Variants in SEMA6D observed in about 807,000 individuals in gnomAD.
The protein encoded by SEMA6D is semaphorin-6D.
A neutral mutation model predicts 106.6 loss-of-function variants in SEMA6D; 35 were observed. That is an observed-to-expected ratio of 0.33 (90% CI 0.25 to 0.44). The LOEUF (loss-of-function observed/expected upper bound fraction) is 0.44, where lower values mean the gene tolerates loss of function less well. Ranked by LOEUF, SEMA6D falls within the 20% of genes least tolerant of loss-of-function variation. SEMA6D has a pLI of 1.00. For synonymous variants in SEMA6D, 499 were observed against 487.7 expected (o/e 1.02, Z -0.31); for missense variants, 1,185 against 1,345.9 (o/e 0.88, Z 1.87).
chr15:47,321,816 G>A (rs1595728345), intron 1 of SEMA6D, among the ~76,000 whole-genome samples: 2 of 151,952 alleles, frequency 1.3e-5, no homozygotes, highest in Admixed American at 6.6e-5. Context: ...CTGTTCTATT[G>A]GGCTATTTTT....
At chr15:47,669,142 G>A (rs925192742) in intron 4 of SEMA6D, among the ~76,000 whole-genome samples, 1 of 151,874 alleles carries the variant, frequency 6.6e-6, no homozygotes, top group Non-Finnish European at 1.5e-5. Flanking sequence ...ATCCCTATAT[G>A]AGCAAGTAGC....
intron 4 of SEMA6D, among the ~76,000 whole-genome samples, chr15:47,688,625 G>T (rs552228438): frequency 6.6e-6 from 1 of 152,044 alleles, no homozygotes; most frequent in Non-Finnish European, 1.5e-5. Context: ...ACTCTGATTC[G>T]CATTGACTAG....
intron 3 of SEMA6D, among the ~76,000 whole-genome samples, chr15:47,572,076 A>G (rs146159340): frequency 6.6e-6 from 1 of 152,344 alleles, no homozygotes; most frequent in Non-Finnish European, 1.5e-5. Flanking sequence ...TGAAAATTTC[A>G]GCCTAGGAAA....
rs368314047 is a variant in SEMA6D at position 47,285,637 on chromosome 15, G to A, written c.-239+101219G>A. Among the ~76,000 whole-genome samples the A allele has an allele frequency of 5.8e-4, 88 of 152,256 alleles. 1 individual carries two copies. The highest frequency in any genetic ancestry group is 2.1e-3 in the African/African-American group (87 of 41,558). ...CAGATGAAAAGTGGATGAACTGAAC[G>A]AAGACATTCCTGAAGGGTAGACAAC... On this transcript the variant is annotated intron_variant, in intron 1 of 19. Coordinates refer to the SEMA6D transcript ENST00000558014.
At chr15:47,591,432 G>T (rs1253240023) in intron 3 of SEMA6D, among the ~76,000 whole-genome samples, 1 of 152,182 alleles carries the variant, frequency 6.6e-6, no homozygotes, top group Non-Finnish European at 1.5e-5. Flanking sequence ...CATCTAGGAT[G>T]ATAAGAACTG....
At chr15:47,616,649 G>T (rs943411761) in intron 4 of SEMA6D, among the ~76,000 whole-genome samples, 5 of 151,506 alleles carry the variant, frequency 3.3e-5, no homozygotes, top group African/African-American at 1.2e-4. Flanking sequence ...GTGGGTAAAT[G>T]ATGCATCTGT....
chr15:47,477,977 CA>C (rs764486456), intron 3 of SEMA6D, among the ~76,000 whole-genome samples: 10 of 152,114 alleles, frequency 6.6e-5, no homozygotes, highest in Non-Finnish European at 1.5e-4. Flanking sequence ...AGTGTTCCAT[CA>C]ATAAACTCTT....
intron 3 of SEMA6D, among the ~76,000 whole-genome samples, chr15:47,575,406 T>C (rs1001366334): frequency 6.6e-6 from 1 of 151,982 alleles, no homozygotes; most frequent in Non-Finnish European, 1.5e-5. Flanking sequence ...GGTGGGAAGG[T>C]GCAGGAAGGA....
chr15:47,512,067 A>T (rs1364880375), intron 3 of SEMA6D, among the ~76,000 whole-genome samples: 1 of 152,150 alleles, frequency 6.6e-6, no homozygotes, highest in Non-Finnish European at 1.5e-5. Context: ...AGTTTATTGA[A>T]CTTTTAGTCA....
At chr15:47,230,129 G>T (rs1378149935) in intron 1 of SEMA6D, among the ~76,000 whole-genome samples, 2 of 152,030 alleles carry the variant, frequency 1.3e-5, no homozygotes, top group African/African-American at 4.8e-5. Flanking sequence ...TTGTGGCAAA[G>T]AATATTTGAG....
intron 1 of SEMA6D, among the ~76,000 whole-genome samples, chr15:47,321,844 A>T (rs572468958): frequency 6.6e-5 from 10 of 152,296 alleles, no homozygotes; most frequent in African/African-American, 2.4e-4. Flanking sequence ...TTAATAAAAC[A>T]ATCTTTCTCC....
At chr15:47,323,344 G>T (rs77058128) in intron 1 of SEMA6D, among the ~76,000 whole-genome samples, 1,683 of 152,262 alleles carry the variant, frequency 0.011, 13 homozygotes, top group Non-Finnish European at 0.014. Flanking sequence ...GAACACCGGA[G>T]AATGAGTAAG....
chr15:47,304,618 T>C lies in SEMA6D; in HGVS notation c.-238-107775T>C, dbSNP rs553946333. On this transcript the variant is annotated intron_variant, in intron 1 of 19. Transcript: ENST00000558014. ...GAATGTCCCAAGATGATCCAAAATATTCCAAATTTCATTTAAACTGTTGCT... is the reference window on the plus strand; with the variant it reads ...GAATGTCCCAAGATGATCCAAAATACTCCAAATTTCATTTAAACTGTTGCT... 4.6e-5 allele frequency among the ~76,000 whole-genome samples: 7 copies of C among 152,264 alleles called. No homozygotes were observed. In the South Asian group the frequency reaches 1.5e-3, roughly 32 times the overall value.
At chr15:47,745,312 AGT>A (rs2081067215) in intron 1 of SEMA6D, among the ~76,000 whole-genome samples, 1 of 152,210 alleles carries the variant, frequency 6.6e-6, no homozygotes, top group Non-Finnish European at 1.5e-5. Flanking sequence ...GGTAGCTGCT[AGT>A]GTGATCCTAT....
chr15:47,268,189 A>G (rs1450915312), intron 1 of SEMA6D, among the ~76,000 whole-genome samples: 2 of 152,198 alleles, frequency 1.3e-5, no homozygotes, highest in Non-Finnish European at 2.9e-5. Flanking sequence ...GGGAGTTTAA[A>G]GAGTACTAAT....
chr15:47,630,210 C>T (rs1280288037), intron 4 of SEMA6D, among the ~76,000 whole-genome samples: 1 of 151,858 alleles, frequency 6.6e-6, no homozygotes, highest in Admixed American at 6.6e-5. Context: ...TCCTTGCCAG[C>T]ATCTGTTATC....
At chr15:47,522,921 G>A (rs2044636424) in intron 3 of SEMA6D, among the ~76,000 whole-genome samples, 1 of 152,204 alleles carries the variant, frequency 6.6e-6, no homozygotes, top group South Asian at 2.1e-4. Flanking sequence ...TCATGGAAGG[G>A]AGTCATTACT....
chr15:47,229,106 C>T (rs1368834139), intron 1 of SEMA6D, among the ~76,000 whole-genome samples: 1 of 152,012 alleles, frequency 6.6e-6, no homozygotes. Flanking sequence ...GGTCTACTGA[C>T]TCCAACATGA....
At chr15:47,527,856 A>C (rs1403910241) in intron 3 of SEMA6D, 1 of 152,232 alleles carries the variant, frequency 6.6e-6, no homozygotes. Context: ...CAGGTCTGAA[A>C]ATCCCCTGCA....
Sources: allele counts gnomAD v4.1 joint callset (sites outside exome capture counted in the v4.1 genomes callset), GRCh38; gene constraint gnomAD v4.1.1; transcripts MANE v1.5; gene names NCBI Gene and HGNC (gene_info 2026-07-23, HGNC 2026-07-21).